Variants in ABCB7 observed in about 807,000 individuals in gnomAD.
ABCB7 encodes the protein ATP binding cassette subfamily B member 7, also known as iron-sulfur clusters transporter ABCB7, mitochondrial.
ABCB7 carries 7 observed loss-of-function variants against 54.4 expected under a neutral mutation model. The observed-to-expected ratio is 0.13, with a 90% CI of 0.07 to 0.24. ABCB7 has a LOEUF of 0.24. Ranked by LOEUF, ABCB7 falls within the 10% of genes least tolerant of loss-of-function variation. The probability of loss-of-function intolerance (pLI) is 1.00; values close to 1 mark genes in which losing one functional copy is unlikely to be tolerated. For synonymous variants in ABCB7, 218 were observed against 207.1 expected (o/e 1.05, Z -0.45); for missense variants, 356 against 570.4 (o/e 0.62, Z 3.83).
chrX:75,120,855 G>C (rs760402889), intron 1 of ABCB7, among the ~76,000 whole-genome samples: 11 of 110,333 alleles, frequency 1.0e-4, no homozygotes, highest in Non-Finnish European at 1.3e-4. Context: ...AGGAGCCCCA[G>C]ATTATCCTGG....
intron 1 of ABCB7, among the ~76,000 whole-genome samples, chrX:75,117,494 G>A (rs1450809093): frequency 1.8e-5 from 2 of 110,789 alleles, no homozygotes; most frequent in Admixed American, 9.6e-5. Context: ...TAAAAAGCAA[G>A]GACACTTGAA....
At chrX:75,150,385 AC>A (rs1250501192) in intron 1 of ABCB7, among the ~76,000 whole-genome samples, 1 of 111,885 alleles carries the variant, frequency 8.9e-6, no homozygotes, top group Non-Finnish European at 1.9e-5. Context: ...GAAAATCAAA[AC>A]AACAAAAATA....
At chrX:75,099,963 C>T (rs2081626559) in intron 3 of ABCB7, among the ~76,000 whole-genome samples, 1 of 109,980 alleles carries the variant, frequency 9.1e-6, no homozygotes, top group Non-Finnish European at 1.9e-5. Flanking sequence ...CACTCTAATA[C>T]ACTGTTGATG....
intron 1 of ABCB7, among the ~76,000 whole-genome samples, chrX:75,135,908 T>A (rs1444895543): frequency 9.1e-6 from 1 of 109,956 alleles, no homozygotes; most frequent in Non-Finnish European, 1.9e-5. Context: ...ACATACCTCT[T>A]GAGAACCAGA....
intron 4 of ABCB7, among the ~76,000 whole-genome samples, chrX:75,098,103 G>T (rs1477896737): frequency 6.3e-5 from 7 of 111,367 alleles, no homozygotes; most frequent in Middle Eastern, 4.6e-3. Flanking sequence ...GGGGTCAGGA[G>T]TTAGAGACCA....
At chrX:75,125,517 T>C (rs781732114) in intron 1 of ABCB7, among the ~76,000 whole-genome samples, 1 of 111,959 alleles carries the variant, frequency 8.9e-6, no homozygotes, top group African/African-American at 3.2e-5. Flanking sequence ...GGACAATTTC[T>C]GATAGCAATC....
rs1261787591 is a variant in ABCB7 at position 75,073,956 on chromosome X, A to G, written c.856T>C (p.Tyr286His). ...FEVMLVSGVLYYKCGAQFALV... is the reference protein window; with the variant it reads ...FEVMLVSGVLHYKCGAQFALV... ...GCAAACTGGGCACCGCATTTGTAAT[A>G]CTAGAAAAGGAAGTCCAAAGAAGAA... The change falls in exon 7 of 16, where the codon TAT (tyrosine) becomes CAT (histidine). Residue 286 changes from tyrosine (Y) to histidine (H), a missense_variant and splice_region_variant. Around this residue, in one of 2 missense-constraint regions of ABCB7, gnomAD observed 241 missense variants for 470.9 expected, o/e 0.51. Transcript: ENST00000373394. 2 of 1,197,791 alleles carry G rather than the reference A, an allele frequency of 1.7e-6. No individual in the cohort carries two copies. Among genetic ancestry groups the G allele is most frequent in the South Asian group, 1.8e-5 (1 of 56,617 alleles).
chrX:75,127,377 C>G (rs990539631), intron 1 of ABCB7, among the ~76,000 whole-genome samples: 2 of 111,694 alleles, frequency 1.8e-5, no homozygotes, highest in African/African-American at 6.5e-5. Context: ...GCCAAAAGCT[C>G]TCAATAAACT....
intron 1 of ABCB7, among the ~76,000 whole-genome samples, chrX:75,153,302 T>C (rs1197726843): frequency 4.5e-5 from 5 of 111,113 alleles, no homozygotes; most frequent in East Asian, 2.8e-4. Flanking sequence ...GATGAATAAG[T>C]TCTGTTTTCT....
chrX:75,060,686 CA>C (rs2081275972), intron 14 of ABCB7, among the ~76,000 whole-genome samples: 2 of 110,956 alleles, frequency 1.8e-5, no homozygotes, highest in Non-Finnish European at 3.8e-5. Context: ...CCAATGAGAA[CA>C]AAACTAAAAT....
chrX:75,106,842 CCCCT>C (rs1480432077), intron 3 of ABCB7, among the ~76,000 whole-genome samples: 1 of 111,182 alleles, frequency 9.0e-6, no homozygotes, highest in East Asian at 2.8e-4. Flanking sequence ...ACCAATCATC[CCCCT>C]TCCCTTCAAG....
chrX:75,054,087 A>G (rs1280779873), intron 15 of ABCB7, among the ~76,000 whole-genome samples: 1 of 112,439 alleles, frequency 8.9e-6, no homozygotes, highest in Non-Finnish European at 1.9e-5. Flanking sequence ...ATTTTTGTTA[A>G]CAATGGTTAT....
At chrX:75,097,192 A>T (rs2081598775) in intron 4 of ABCB7, among the ~76,000 whole-genome samples, 1 of 111,644 alleles carries the variant, frequency 9.0e-6, no homozygotes, top group Admixed American at 9.5e-5. Flanking sequence ...TTCCAAGCTT[A>T]TTTCCGAATT....
At chrX:75,064,922 A>G in intron 13 of ABCB7, 148 bp downstream of exon 13, 1 of 652,817 alleles carries the variant, frequency 1.5e-6, no homozygotes, top group Non-Finnish European at 2.4e-6. Flanking sequence ...GGTTATAGTG[A>G]GGGCTAGGAG....
chrX:75,156,046 C>G, intron 1 of ABCB7, 59 bp downstream of exon 1: 4 of 1,183,698 alleles, frequency 3.4e-6, no homozygotes, highest in Non-Finnish European at 3.4e-6. Flanking sequence ...GGAGGGCAAC[C>G]TTTTCCCTAC....
chrX:75,140,407 G>C (rs774073846), intron 1 of ABCB7, among the ~76,000 whole-genome samples: 1 of 110,905 alleles, frequency 9.0e-6, no homozygotes, highest in Non-Finnish European at 1.9e-5. Context: ...TCTAATAAAG[G>C]AAACAGTGTG....
chrX:75,083,535 T>G (rs1369598463), intron 4 of ABCB7, among the ~76,000 whole-genome samples: 1 of 111,426 alleles, frequency 9.0e-6, no homozygotes, highest in African/African-American at 3.3e-5. Context: ...AAAATTTTAT[T>G]TAAAACATCA....
Position 75,073,924 on chromosome X carries a change from T to C in ABCB7, c.888A>G (p.Val296=). The C allele has an allele frequency of 8.3e-7, 1 of 1,210,330 alleles. No homozygotes were observed. The highest frequency in any genetic ancestry group is 1.8e-5 in the South Asian group (1 of 56,998). Residue 296 remains valine, a synonymous_variant, in exon 7 of 16, where the codon GTA becomes GTG. Transcript: ENST00000373394. ...TGTATGTACCAAGTGTTCCAAGGGT[T>C]ACCAAAGCAAACTGGGCACCGCATT... The part of the protein sequence containing the change: ...YYKCGAQFAL[V]TLGTLGTYTA...
At chrX:75,067,657 C>T (rs1417299991) in intron 12 of ABCB7, among the ~76,000 whole-genome samples, 2 of 109,941 alleles carry the variant, frequency 1.8e-5, no homozygotes, top group Non-Finnish European at 3.8e-5. Context: ...GCTAATTTTT[C>T]TATTTTTACT....
Sources: gnomAD v4.1 joint callset for allele counts (sites outside exome capture counted in the v4.1 genomes callset) on GRCh38, gnomAD v4.1.1 for gene constraint, gnomAD v4.1.1 regional missense constraint, MANE v1.5 for transcripts, NCBI Gene and HGNC (gene_info 2026-07-23, HGNC 2026-07-21) for gene names.